GTF3C1: variants seen among roughly 807,000 people sequenced by gnomAD.
The protein encoded by GTF3C1 is general transcription factor 3C polypeptide 1.
In GTF3C1, 57 loss-of-function variants were observed where a neutral mutation model predicts 226.7. The ratio of observed to expected loss-of-function variants is 0.25; its 90% CI spans 0.20 to 0.31. The LOEUF is 0.31. Among genes scored for constraint, GTF3C1 ranks in the 10% least tolerant of loss-of-function variants. The pLI, the probability that GTF3C1 is intolerant of heterozygous loss-of-function variation, is 1.00. For missense variants in GTF3C1, 2,217 were observed against 2,776.1 expected (o/e 0.80, Z 4.53); for synonymous variants, 1,090 against 1,084.8 (o/e 1.00, Z -0.09).
chr16:27,484,448 G>T, intron 24 of GTF3C1, 95 bp from the exon 25 acceptor site: 1 of 814,036 alleles, frequency 1.2e-6, no homozygotes, highest in Non-Finnish European at 2.1e-6. Flanking sequence ...TGTGTTTTGT[G>T]CAGCCTCCTT....
rs1363360505 is a variant in GTF3C1, at chr16:27,489,859, C to T, written c.3152-116G>A. 1.1e-5 allele frequency: 11 copies of T among 966,234 alleles called. No individual in the cohort carries two copies. The Admixed American group carries it at 1.4e-4, about 12-fold the overall frequency. The allele number at this position is 966,234 out of a possible 1,614,324, so 59.9% of individuals were successfully genotyped here. On this transcript the variant is annotated intron_variant, in intron 19 of 36. Coordinates refer to ENST00000356183, the MANE Select transcript of GTF3C1 (RefSeq NM_001520.4). ...ATTCCCTGCCTGTGAAAAGGCTCCCCGGCCACTGCGGGGGTCTGAGATTGG... is the reference window on the plus strand; with the variant it reads ...ATTCCCTGCCTGTGAAAAGGCTCCCTGGCCACTGCGGGGGTCTGAGATTGG...
chr16:27,463,594 T>C lies in GTF3C1; in HGVS notation c.5873-2A>G. 1 of 1,579,656 alleles carries C rather than the reference T, an allele frequency of 6.3e-7. No homozygotes were observed. Among genetic ancestry groups the C allele is most frequent in the Non-Finnish European group, 8.7e-7 (1 of 1,148,390 alleles). Reference sequence around the variant, plus strand: ...CAGCTCCGAAACTCTCTGTGAACCCTGAGGGAAGAGGAAGAGAATGTGAGA... The same window carrying C: ...CAGCTCCGAAACTCTCTGTGAACCCCGAGGGAAGAGGAAGAGAATGTGAGA... On this transcript the variant is annotated splice_acceptor_variant, in intron 34 of 36. Coordinates refer to ENST00000356183, the MANE Select transcript of GTF3C1 (RefSeq NM_001520.4). LOFTEE classifies it high-confidence loss of function. The surrounding 1 kb of genome is among the most constrained non-coding windows in gnomAD (Gnocchi z 4.9).
chr16:27,523,689 T>C (rs1177859714), intron 6 of GTF3C1, among the ~76,000 whole-genome samples: 1 of 152,090 alleles, frequency 6.6e-6, no homozygotes, highest in African/African-American at 2.4e-5. Flanking sequence ...ACATAAAGCA[T>C]GTAAAGCGTG....
At chr16:27,545,651 T>C (rs983561428) in intron 1 of GTF3C1, 128 bp from the exon 2 acceptor site, 3 of 642,574 alleles carry the variant, frequency 4.7e-6, no homozygotes, top group Non-Finnish European at 2.8e-6. Context: ...TCCTGCCTTA[T>C]AAATGCAGAT....
At chr16:27,488,939 A>G (rs2088187339) in intron 21 of GTF3C1, 104 bp downstream of exon 21, 8 of 1,100,414 alleles carry the variant, frequency 7.3e-6, no homozygotes, top group Non-Finnish European at 8.2e-6. Context: ...CGCACCTTCA[A>G]TACAAACGGA....
At position 27,470,235 on chromosome 16, in the gene GTF3C1, C is replaced by T. The variant is rs763893267; in HGVS notation, c.4687G>A (p.Gly1563Ser). 1.6e-5 allele frequency: 26 copies of T among 1,613,670 alleles called. No individual in the cohort carries two copies. Among genetic ancestry groups the T allele is most frequent in the East Asian group, 1.6e-4 (7 of 44,898 alleles). The change falls in exon 31 of 37, where the codon GGC (glycine) becomes AGC (serine). Residue 1563 changes from glycine to serine, a missense_variant. Physicochemically the swap from Gly to Ser is moderately conservative, Grantham distance 56. This residue lies in a region of GTF3C1 where 546 missense variants were observed against 663.0 expected (regional missense o/e 0.82). Transcript: ENST00000356183. The surrounding 1 kb of genome is among the most constrained non-coding windows in gnomAD (Gnocchi z 4.9). ...ACGGCCACACAATTTCCTCCAGGGC[C>T]GTCCAGTGAAAAGGCCACCATGTCG... The part of the protein sequence containing the change: ...TNDMVAFSLD[G>S]PGGNCVAVLT...
intron 28 of GTF3C1, among the ~76,000 whole-genome samples, chr16:27,477,363 A>G (rs770150274): frequency 2.2e-4 from 33 of 151,676 alleles, no homozygotes; most frequent in Non-Finnish European, 3.7e-4. Flanking sequence ...CTTGAGTGCA[A>G]TGGTGTGATC....
chr16:27,497,573 C>T, intron 14 of GTF3C1, 64 bp downstream of exon 14: 1 of 1,395,184 alleles, frequency 7.2e-7, no homozygotes, highest in Middle Eastern at 2.5e-4. Flanking sequence ...CCAAGTGCCT[C>T]AAACATTGTC....
chr16:27,534,937 T>C (rs1292212884), intron 4 of GTF3C1, among the ~76,000 whole-genome samples: 1 of 151,872 alleles, frequency 6.6e-6, no homozygotes, highest in East Asian at 1.9e-4. Context: ...TTGAGAAAAC[T>C]CATAGACAAA....
chr16:27,505,904 G>T lies in GTF3C1; in HGVS notation c.1765C>A (p.Pro589Thr). The change falls in exon 10 of 37, where the codon CCA becomes ACA. Residue 589 changes from proline (P) to threonine (T), a missense_variant. Pro to Thr is a conservative substitution (Grantham distance 38). This residue lies in a region of GTF3C1 where 173 missense variants were observed against 207.2 expected (regional missense o/e 0.83). Coordinates refer to ENST00000356183, the MANE Select transcript of GTF3C1 (RefSeq NM_001520.4). Reference sequence around the variant, plus strand: ...CTCCCTCTGCATGCACTGACCTTTGGGTTTTCCATCCGGACCTCCTCGATC... The same window carrying T: ...CTCCCTCTGCATGCACTGACCTTTGTGTTTTCCATCCGGACCTCCTCGATC... ...AVIEEVRMEN[P>T]KESSSSLKTG... 2.5e-6 allele frequency: 4 copies of T among 1,587,234 alleles called. No homozygotes were observed. Among genetic ancestry groups the T allele is most frequent in the Non-Finnish European group, 3.5e-6 (4 of 1,155,552 alleles).
At chr16:27,488,974 G>A in intron 21 of GTF3C1, 69 bp downstream of exon 21, 1 of 1,427,976 alleles carries the variant, frequency 7.0e-7, no homozygotes, top group Non-Finnish European at 9.9e-7. Flanking sequence ...TCTCTGGTCA[G>A]GCAGGGAGGG....
chr16:27,534,828 G>C (rs549176102), intron 4 of GTF3C1, among the ~76,000 whole-genome samples: 1 of 151,858 alleles, frequency 6.6e-6, no homozygotes, highest in East Asian at 1.9e-4. Context: ...TGAACTGGCC[G>C]GGTCCACTTA....
intron 1 of GTF3C1, among the ~76,000 whole-genome samples, chr16:27,546,946 TA>T (rs1359153972): frequency 1.3e-5 from 2 of 152,086 alleles, no homozygotes; most frequent in African/African-American, 4.8e-5. Flanking sequence ...TTTGTATTTT[TA>T]GTAGAGAGAG....
intron 19 of GTF3C1, among the ~76,000 whole-genome samples, chr16:27,490,454 G>A (rs1442019643): frequency 6.6e-6 from 1 of 152,140 alleles, no homozygotes; most frequent in African/African-American, 2.4e-5. Context: ...GGGGCAGTGG[G>A]AGCTCAGGGC....
chr16:27,495,607 T>C (rs1013025629), intron 14 of GTF3C1, 115 bp from the exon 15 acceptor site: 3 of 896,020 alleles, frequency 3.3e-6, no homozygotes, highest in Non-Finnish European at 5.1e-6. Flanking sequence ...AGATGGCAAA[T>C]ATTCTTACTG....
chr16:27,487,318 T>A (rs1731843081), intron 23 of GTF3C1, among the ~76,000 whole-genome samples: 1 of 152,214 alleles, frequency 6.6e-6, no homozygotes, highest in Admixed American at 6.5e-5. Context: ...TGTCTTTAAC[T>A]GAAATAGCTA....
At position 27,483,138 on chromosome 16, in the gene GTF3C1, G is replaced by GA; in HGVS notation, c.4002-14dup. On this transcript the variant is annotated splice_polypyrimidine_tract_variant and intron_variant, in intron 25 of 36. Coordinates refer to ENST00000356183, the MANE Select transcript of GTF3C1 (RefSeq NM_001520.4). ...GGCCAGGCACACTCTGCAGGAAGAG[G>GA]AGACAAAGCTGAAGTCTGGGAATTG... The GA allele has an allele frequency of 1.2e-6, 2 of 1,613,164 alleles. No homozygotes were observed. The highest frequency in any genetic ancestry group is 1.7e-6 in the Non-Finnish European group (2 of 1,179,136).
At chr16:27,482,404 C>T (rs2088066380) in intron 26 of GTF3C1, 2 of 445,672 alleles carry the variant, frequency 4.5e-6, no homozygotes, top group African/African-American at 2.0e-5. Context: ...CATCCAAAAG[C>T]ATTGCTGAGC....
rs114270693 is a variant in GTF3C1 at position 27,462,024 on chromosome 16, G to A, written c.6117+270C>T. 1,353 of 470,608 alleles carry A rather than the reference G, an allele frequency of 2.9e-3. 17 individuals carry two copies. Among genetic ancestry groups the A allele is most frequent in the African/African-American group, 0.023 (1,210 of 51,958 alleles). 29.2% of individuals were successfully genotyped at this position (470,608 alleles called of 1,614,324 possible). On this transcript the variant is annotated intron_variant, in intron 36 of 36. Coordinates refer to ENST00000356183, the MANE Select transcript of GTF3C1 (RefSeq NM_001520.4). This position sits in a 1 kb window ranked among gnomAD's most constrained non-coding sequence, Gnocchi z 4.5. ...AGCTGCTTGACCCGTGGGGCCCGGC[G>A]GACTCATGAGTTAGTGACCCCTGGC...
Sources: allele counts gnomAD v4.1 joint callset (sites outside exome capture counted in the v4.1 genomes callset), GRCh38; gene constraint gnomAD v4.1.1; regional missense constraint gnomAD v4.1.1; non-coding constraint Gnocchi (gnomAD v3.1); transcripts MANE v1.5; gene names NCBI Gene and HGNC (gene_info 2026-07-23, HGNC 2026-07-21).